Variants in SIPA1L3 observed in about 807,000 individuals in gnomAD.
SIPA1L3 encodes signal induced proliferation associated 1 like 3, also known as signal-induced proliferation-associated 1-like protein 3.
Under a neutral mutation model 150.1 loss-of-function variants are expected in SIPA1L3, and 59 were observed. The ratio of observed to expected loss-of-function variants is 0.39; its 90% CI spans 0.32 to 0.49. The LOEUF (loss-of-function observed/expected upper bound fraction) is 0.49. Among genes scored for constraint, SIPA1L3 ranks in the 20% least tolerant of loss-of-function variants. The probability of loss-of-function intolerance (pLI) is 0.86; values close to 1 mark genes in which losing one functional copy is unlikely to be tolerated. For missense variants in SIPA1L3, 2,211 were observed against 2,489.5 expected, an observed-to-expected ratio of 0.89 and a Z score of 2.38; for synonymous variants, 1,070 against 1,077.6, an observed-to-expected ratio of 0.99 and a Z score of 0.14.
chr19:38,161,912 C>A (rs1972097713), intron 13 of SIPA1L3, among the ~76,000 whole-genome samples: 1 of 151,686 alleles, frequency 6.6e-6, no homozygotes, highest in African/African-American at 2.4e-5. Flanking sequence ...CATGGTGATG[C>A]ACACCTGTAG....
At chr19:38,199,478 C>T (rs1349611750) in intron 19 of SIPA1L3, among the ~76,000 whole-genome samples, 1 of 152,214 alleles carries the variant, frequency 6.6e-6, no homozygotes, top group Non-Finnish European at 1.5e-5. Context: ...GGGAGCTGTG[C>T]GCCCCATGTG....
chr19:38,154,762 C>CTTT, intron 13 of SIPA1L3, among the ~76,000 whole-genome samples: 1 of 118,908 alleles, frequency 8.4e-6, no homozygotes, highest in East Asian at 2.2e-4. Flanking sequence ...TTTTATTATT[C>CTTT]ATTTTTTTTT....
intron 6 of SIPA1L3, among the ~76,000 whole-genome samples, chr19:38,103,117 C>T (rs1021588345): frequency 7.6e-5 from 11 of 144,348 alleles, no homozygotes; most frequent in Non-Finnish European, 1.2e-4. Flanking sequence ...AGCAAGACTC[C>T]GTCTCAATCA....
intron 15 of SIPA1L3, among the ~76,000 whole-genome samples, chr19:38,180,702 C>A (rs1209885149): frequency 6.6e-6 from 1 of 151,844 alleles, no homozygotes; most frequent in African/African-American, 2.4e-5. Context: ...CGCCACCACA[C>A]CTGGCTAATT....
intron 1 of SIPA1L3, chr19:37,907,568 A>C (rs1480741147): frequency 6.6e-6 from 1 of 152,204 alleles, no homozygotes; most frequent in Non-Finnish European, 1.5e-5. Context: ...GCTGTGGTGA[A>C]GAGCTTGGAG....
chr19:38,018,156 CTTTTTTTTTTT>C (rs34874664), intron 1 of SIPA1L3, among the ~76,000 whole-genome samples: 22 of 61,334 alleles, frequency 3.6e-4, no homozygotes, highest in Admixed American at 5.9e-4. Flanking sequence ...CTTTGAGTGT[CTTTTTTTTTTT>C]TTTTTTTTTT....
chr19:37,927,253 C>T (rs1025121032), intron 1 of SIPA1L3, among the ~76,000 whole-genome samples: 19 of 150,448 alleles, frequency 1.3e-4, no homozygotes, highest in South Asian at 2.1e-4. Context: ...AAGCAATTCT[C>T]CCTACCTCAG....
intron 1 of SIPA1L3, among the ~76,000 whole-genome samples, chr19:38,014,635 T>G (rs1968187956): frequency 6.8e-6 from 1 of 148,094 alleles, no homozygotes; most frequent in Non-Finnish European, 1.5e-5. Flanking sequence ...TCACTTCAGC[T>G]TCAACCTCCT....
chr19:38,036,893 G>A (rs1252504133), intron 2 of SIPA1L3, among the ~76,000 whole-genome samples: 3 of 152,066 alleles, frequency 2.0e-5, no homozygotes, highest in Admixed American at 1.3e-4. Context: ...AGAAGGGGAC[G>A]GAGAGGTGCA....
chr19:38,027,266 CAGT>C (rs1968536214), intron 1 of SIPA1L3, among the ~76,000 whole-genome samples: 1 of 151,996 alleles, frequency 6.6e-6, no homozygotes, highest in African/African-American at 2.4e-5. Flanking sequence ...CCAGCCTGGG[CAGT>C]AGATCAAGAC....
Position 38,100,038 on chromosome 19 carries a change from C to T in SIPA1L3, c.1742C>T (p.Pro581Leu). Residue 581 changes from proline to leucine, a missense_variant, in exon 5 of 22, where the codon CCC becomes CTC. By Grantham distance (98) the Pro-to-Leu change is moderately conservative (BLOSUM62 -3). Around this residue, in one of 5 missense-constraint regions of SIPA1L3, gnomAD observed 625 missense variants for 804.2 expected, o/e 0.78. Coordinates refer to ENST00000222345, the MANE Select transcript of SIPA1L3 (RefSeq NM_015073.3). ...ATKHGTGRGL[P>L]LKDALEYVIP... is the part of the protein sequence containing the mutation. ...AAGCATGGGACCGGGCGGGGCCTGCCCTTGAAGGATGCCCTGGAGTATGTC... is the reference window on the plus strand; with the variant it reads ...AAGCATGGGACCGGGCGGGGCCTGCTCTTGAAGGATGCCCTGGAGTATGTC... 6.2e-7 allele frequency: 1 copy of T among 1,612,324 alleles called. No individual in the cohort carries two copies. Among genetic ancestry groups the T allele is most frequent in the Non-Finnish European group, 8.5e-7 (1 of 1,179,358 alleles).
At chr19:38,127,021 C>T (rs1292378904) in intron 9 of SIPA1L3, among the ~76,000 whole-genome samples, 4 of 152,088 alleles carry the variant, frequency 2.6e-5, no homozygotes, top group East Asian at 3.9e-4. Flanking sequence ...GGAGAAACCC[C>T]GTCTCTACTA....
rs752213787 is a variant in SIPA1L3 at position 38,073,428 on chromosome 19, C to T, written c.-310-7828C>T. Among the ~76,000 whole-genome samples the T allele has an allele frequency of 7.3e-4, 111 of 152,334 alleles. 3 individuals are homozygous for T. The highest frequency in any genetic ancestry group is 5.6e-3 in the Admixed American group (86 of 15,298). ...TGCAAAGCACCGTTGGATAGTCTTC[C>T]GTTACTCGCAGCCAAACACATCCCA... is the stretch of plus-strand genomic sequence containing the variant. On this transcript the variant is annotated intron_variant, in intron 2 of 21. Coordinates refer to ENST00000222345, the MANE Select transcript of SIPA1L3 (RefSeq NM_015073.3).
chr19:38,140,877 G>C (rs1383643795), intron 10 of SIPA1L3, among the ~76,000 whole-genome samples: 1 of 151,898 alleles, frequency 6.6e-6, no homozygotes, highest in Non-Finnish European at 1.5e-5. Context: ...GGCCAACATG[G>C]TGAAACTCTT....
chr19:38,031,289 A>G (rs146031331), intron 2 of SIPA1L3, among the ~76,000 whole-genome samples: 16 of 152,340 alleles, frequency 1.1e-4, no homozygotes, highest in Admixed American at 2.6e-4. Context: ...CGATTAACTC[A>G]ATGACAGACA....
intron 18 of SIPA1L3, among the ~76,000 whole-genome samples, chr19:38,194,681 C>A (rs976685876): frequency 6.6e-6 from 1 of 152,212 alleles, no homozygotes; most frequent in Non-Finnish European, 1.5e-5. Context: ...CTGTACAGAG[C>A]CTCTTGTGAG....
chr19:38,030,769 C>T (rs2145721092), intron 2 of SIPA1L3, among the ~76,000 whole-genome samples: 1 of 152,062 alleles, frequency 6.6e-6, no homozygotes, highest in East Asian at 1.9e-4. Context: ...GGGTTCTAAG[C>T]AGTGGCATGG....
intron 1 of SIPA1L3, among the ~76,000 whole-genome samples, chr19:38,016,974 G>A (rs551327768): frequency 3.2e-5 from 4 of 126,028 alleles, no homozygotes; most frequent in African/African-American, 1.2e-4. Context: ...TCAGCTCACT[G>A]CAGCCTCCGG....
At chr19:37,943,221 G>A (rs892705622) in intron 1 of SIPA1L3, among the ~76,000 whole-genome samples, 5 of 151,960 alleles carry the variant, frequency 3.3e-5, no homozygotes, top group African/African-American at 1.2e-4. Context: ...GCCCTCATAT[G>A]GTAGACTCTT....
Sources: allele counts gnomAD v4.1 joint callset (sites outside exome capture counted in the v4.1 genomes callset), GRCh38; gene constraint gnomAD v4.1.1; regional missense constraint gnomAD v4.1.1; transcripts MANE v1.5; gene names NCBI Gene and HGNC (gene_info 2026-07-23, HGNC 2026-07-21).